COL5A3: variants seen among roughly 807,000 people sequenced by gnomAD.
COL5A3 encodes the protein collagen alpha-3(V) chain.
Under a neutral mutation model 250.0 loss-of-function variants are expected in COL5A3, and 172 were observed. The ratio of observed to expected loss-of-function variants is 0.69; its 90% confidence interval spans 0.61 to 0.78. The LOEUF (loss-of-function observed/expected upper bound fraction) is 0.78, where lower values mean the gene tolerates loss of function less well. COL5A3 is among the 30% of genes least tolerant of loss of function. The probability of loss-of-function intolerance (pLI) is 0.00; values close to 1 mark genes in which losing one functional copy is unlikely to be tolerated. For synonymous variants in COL5A3, 937 were observed against 900.4 expected, an observed-to-expected ratio of 1.04 and a Z score of -0.73; for missense variants, 2,340 against 2,334.4, an observed-to-expected ratio of 1.00 and a Z score of -0.05.
intron 10 of COL5A3, among the ~76,000 whole-genome samples, chr19:9,997,755 C>T (rs1177168218): frequency 6.6e-6 from 1 of 152,126 alleles, no homozygotes; most frequent in Non-Finnish European, 1.5e-5. Flanking sequence ...TTGGGTGCCA[C>T]TATTTTTTAA....
rs2086943411 is a variant in COL5A3 at position 9,977,691 on chromosome 19, C to T, written c.3029G>A (p.Gly1010Asp). 1.9e-6 allele frequency: 3 copies of T among 1,588,016 alleles called. No homozygotes were observed. The highest frequency in any genetic ancestry group is 2.6e-6 in the Non-Finnish European group (3 of 1,168,390). ...TGCTGGGCCCAAAGGACCGCGCTCA[C>T]CAGGGGAGCCCTGAGAACAGGGGTG... ...PGPVGANGSP[G>D]ERGPLGPAGG... Residue 1010 changes from glycine (G) to aspartate (D), a missense_variant, in exon 42 of 67, where the codon GGT becomes GAT. Around this residue, in one of 3 missense-constraint regions of COL5A3, gnomAD observed 1,179 missense variants for 1,162.6 expected, o/e 1.01. Transcript: ENST00000264828.
rs373591438 is a variant in COL5A3, at chr19:9,996,110, C to T, written c.1489G>A (p.Gly497Arg). The part of the protein sequence containing the change: ...TGRPGPVGLP[G>R]HPGLKGEEGA... The stretch of plus-strand genomic sequence containing the variant: ...TCCTCTCCTTTCAGACCTGGATGCC[C>T]GGGGAGACCCTTGGGGGAGGAGAGA... The change falls in exon 15 of 67, where the codon GGG (glycine) becomes AGG (arginine). Residue 497 changes from glycine to arginine, a missense_variant. This residue lies in a region of COL5A3 where 1,152 missense variants were observed against 1,146.3 expected (regional missense o/e 1.00). Transcript: ENST00000264828. The T allele has an allele frequency of 3.8e-6, 6 of 1,581,092 alleles. No homozygotes were observed. The highest frequency in any genetic ancestry group is 2.2e-5 in the East Asian group (1 of 44,582).
intron 14 of COL5A3, 21 bp from the exon 15 acceptor site, chr19:9,996,140 G>A: frequency 6.4e-7 from 1 of 1,561,364 alleles, no homozygotes; most frequent in Non-Finnish European, 8.6e-7. Context: ...GAGAGATGGA[G>A]GAGTGTGGGT....
At chr19:9,995,201 C>T (rs1007829347) in intron 16 of COL5A3, among the ~76,000 whole-genome samples, 2 of 152,194 alleles carry the variant, frequency 1.3e-5, no homozygotes, top group Non-Finnish European at 2.9e-5. Context: ...AGCCACTGCG[C>T]GCAGCCAATC....
At chr19:10,000,251 A>G (rs910483467) in intron 8 of COL5A3, among the ~76,000 whole-genome samples, 11 of 151,934 alleles carry the variant, frequency 7.2e-5, no homozygotes, top group African/African-American at 2.7e-4. Context: ...TCAAACATCA[A>G]GCCACCGAGC....
At chr19:9,999,563 G>A (rs1379713887) in intron 8 of COL5A3, among the ~76,000 whole-genome samples, 2 of 149,122 alleles carry the variant, frequency 1.3e-5, no homozygotes, top group African/African-American at 2.5e-5. Flanking sequence ...CGCCTCCCGG[G>A]TTCACGCCAT....
rs538318191 is a variant in COL5A3 at position 9,988,851 on chromosome 19, A to AGAGAGAG, written c.2145+272_2145+273insCTCTCTC. ...TCTGTCTCAAAAAAAAAAAAAAAAA[A>AGAGAGAG]AAAAAAAGAAAGTAAAGAAAAGAAA... On this transcript the variant is annotated intron_variant, in intron 27 of 66. Coordinates refer to ENST00000264828, the MANE Select transcript of COL5A3 (RefSeq NM_015719.4). Among the ~76,000 whole-genome samples the AGAGAGAG allele has an allele frequency of 8.6e-4, 58 of 67,232 alleles. No individual in the cohort carries two copies. The East Asian group carries it at 0.019, about 22-fold the overall frequency. The allele number at this position is 67,232 out of a possible 152,430, so 44.1% of individuals were successfully genotyped here. A position where few individuals can be genotyped will look rare whatever the true frequency, so the allele number is the denominator to read the frequency against.
In COL5A3 at chr19:10,005,925, T is replaced by G. The variant is rs1402982257; in HGVS notation, c.308A>C (p.Gln103Pro). 6.2e-7 allele frequency: 1 copy of G among 1,614,038 alleles called. No individual in the cohort carries two copies. Among genetic ancestry groups the G allele is most frequent in the South Asian group, 1.1e-5 (1 of 91,072 alleles). Residue 103 changes from glutamine (Q) to proline (P), a missense_variant, in exon 3 of 67, where the codon CAG (glutamine) becomes CCG (proline). This residue lies in a region of COL5A3 where 1,152 missense variants were observed against 1,146.3 expected (regional missense o/e 1.00). Coordinates refer to ENST00000264828, the MANE Select transcript of COL5A3 (RefSeq NM_015719.4). ...ATCATAAATGGACAGCAGGACAGAC[T>G]GATTGGCTGGCTGTCCCCGCAAGGT... Reference protein sequence around the residue: ...LITLRGQPANQSVLLSIYDER... With the variant: ...LITLRGQPANPSVLLSIYDER...
In COL5A3 at chr19:9,993,640, CA is replaced by C. The variant is rs768604943; in HGVS notation, c.1673del (p.Leu558ArgfsTer61). 6 of 1,614,102 alleles carry C rather than the reference CA, an allele frequency of 3.7e-6. No individual in the cohort carries two copies. Among genetic ancestry groups the C allele is most frequent in the Non-Finnish European group, 5.1e-6 (6 of 1,180,016 alleles). On this transcript the variant is annotated frameshift_variant, in exon 18 of 67. Coordinates refer to ENST00000264828, the MANE Select transcript of COL5A3 (RefSeq NM_015719.4). LOFTEE classifies it high-confidence loss of function. ...TCACCCTTTGGCCCTTCTCACCAGGCAGCCCAGGGAGGCCATCGAAGCCACG... is the reference window on the plus strand; with the variant it reads ...TCACCCTTTGGCCCTTCTCACCAGGCGCCCAGGGAGGCCATCGAAGCCACG... ...GDRGFDGLPG[L>X]PGEKGQRGDF... is the part of the protein sequence containing the mutation.
Position 9,960,161 on chromosome 19 carries a change from G to C in COL5A3, c.*250C>G, listed in dbSNP as rs1051872550. 6 of 544,480 alleles carry C rather than the reference G, an allele frequency of 1.1e-5. No homozygotes were observed. The Admixed American group carries it at 1.6e-4, about 14-fold the overall frequency. 33.7% of individuals were successfully genotyped at this position (544,480 alleles called of 1,614,324 possible). On this transcript the variant is annotated 3_prime_UTR_variant, in exon 67 of 67. Transcript: ENST00000264828. ...TGGGGAGGTGAGGCTTGGGTGGGGA[G>C]GGAGGGGAGAAAGAGCCAGACTGCA...
intron 13 of COL5A3, 26 bp downstream of exon 13, chr19:9,996,407 C>T: frequency 6.2e-7 from 1 of 1,611,588 alleles, no homozygotes; most frequent in Non-Finnish European, 8.5e-7. Context: ...GGGGTTCCTC[C>T]CACTATGTCC....
At chr19:9,988,696 T>C (rs1280059009) in intron 27 of COL5A3, among the ~76,000 whole-genome samples, 2 of 150,170 alleles carry the variant, frequency 1.3e-5, no homozygotes, top group African/African-American at 4.9e-5. Context: ...CCAGGAGTGG[T>C]GGTGCATGCC....
Position 9,968,831 on chromosome 19 carries a change from T to C in COL5A3, c.4153-103A>G. ...AATGGGAAATTATGCAGATTTCAAA[T>C]GGGAATTACCAGGGATGAGGTCAAG... is the stretch of plus-strand genomic sequence containing the variant. On this transcript the variant is annotated intron_variant, in intron 57 of 66. Coordinates refer to ENST00000264828, the MANE Select transcript of COL5A3 (RefSeq NM_015719.4). This position sits in a 1 kb window ranked among gnomAD's most constrained non-coding sequence, Gnocchi z 4.1. 1 of 1,044,172 alleles carries C rather than the reference T, an allele frequency of 9.6e-7. No homozygotes were observed. The highest frequency in any genetic ancestry group is 1.4e-5 in the South Asian group (1 of 71,194). The allele number at this position is 1,044,172 out of a possible 1,614,324, so 64.7% of individuals were successfully genotyped here. A position where few individuals can be genotyped will look rare whatever the true frequency, so the allele number is the denominator to read the frequency against.
In COL5A3 at chr19:10,001,331, G is replaced by A. The variant is rs550128774; in HGVS notation, c.1110+193C>T. 4.3e-4 allele frequency among the ~76,000 whole-genome samples: 66 copies of A among 152,112 alleles called. 2 individuals carry two copies. In the South Asian group the frequency reaches 0.014, roughly 32 times the overall value. On this transcript the variant is annotated intron_variant, in intron 8 of 66. Transcript: ENST00000264828. Reference sequence around the variant, plus strand: ...CAGCTAATTTTTTGTATTTTTAGTAGACATGGGATTTCACCACGTTGGTCA... The same window carrying A: ...CAGCTAATTTTTTGTATTTTTAGTAAACATGGGATTTCACCACGTTGGTCA...
At chr19:9,983,468 AG>A (rs1354883298) in intron 31 of COL5A3, among the ~76,000 whole-genome samples, 2 of 151,550 alleles carry the variant, frequency 1.3e-5, no homozygotes, top group Non-Finnish European at 2.9e-5. Context: ...ATTGCACTCC[AG>A]CCTGAATGAC....
At chr19:10,008,072 C>T (rs917270927) in intron 1 of COL5A3, among the ~76,000 whole-genome samples, 1 of 152,072 alleles carries the variant, frequency 6.6e-6, no homozygotes, top group Non-Finnish European at 1.5e-5. Context: ...GTTGCAGTCC[C>T]CTGGGGCTGA....
intron 31 of COL5A3, among the ~76,000 whole-genome samples, chr19:9,985,608 G>A (rs751107382): frequency 4.1e-4 from 62 of 151,954 alleles, no homozygotes; most frequent in Admixed American, 1.2e-3. Context: ...GTTTTGCCAC[G>A]TTGCCCAGTC....
At position 9,969,362 on chromosome 19, in the gene COL5A3, G is replaced by A; in HGVS notation, c.4139C>T (p.Pro1380Leu). Residue 1380 changes from proline (P) to leucine (L), a missense_variant, in exon 57 of 67, where the codon CCT becomes CTT. Physicochemically the swap from Pro to Leu is moderately conservative, Grantham distance 98. Around this residue, in one of 3 missense-constraint regions of COL5A3, gnomAD observed 1,179 missense variants for 1,162.6 expected, o/e 1.01. Transcript: ENST00000264828. ...GLLGAPGQMG[P>L]PGPLGPSGLP... The stretch of plus-strand genomic sequence containing the variant: ...CAAGTCTCTTACCAGGGGGCCAGGA[G>A]GGCCCATCTGTCCAGGGGCTCCCAG... 6.2e-7 allele frequency: 1 copy of A among 1,602,568 alleles called. No individual in the cohort carries two copies. Among genetic ancestry groups the A allele is most frequent in the Non-Finnish European group, 8.5e-7 (1 of 1,175,614 alleles).
At chr19:9,990,113 G>C (rs183719057) in intron 24 of COL5A3, among the ~76,000 whole-genome samples, 1,728 of 151,804 alleles carry the variant, frequency 0.011, 46 homozygotes, top group Admixed American at 0.067. Context: ...ACTAAAAGAG[G>C]CCGGGCGTGG....
Sources: gnomAD v4.1 joint callset for allele counts (sites outside exome capture counted in the v4.1 genomes callset) on GRCh38, gnomAD v4.1.1 for gene constraint, gnomAD v4.1.1 regional missense constraint, Gnocchi (gnomAD v3.1) non-coding constraint, MANE v1.5 for transcripts, NCBI Gene and HGNC (gene_info 2026-07-23, HGNC 2026-07-21) for gene names.